Variants in SFTPD observed in about 807,000 individuals in gnomAD.
SFTPD encodes surfactant protein D, also known as pulmonary surfactant-associated protein D.
In SFTPD, 18 loss-of-function variants were observed where a neutral mutation model predicts 34.6. The ratio of observed to expected loss-of-function variants is 0.52; its 90% CI spans 0.36 to 0.77. The LOEUF (loss-of-function observed/expected upper bound fraction) is 0.77, where lower values mean the gene tolerates loss of function less well. SFTPD is among the 30% of genes least tolerant of loss of function. The pLI is 0.00. For missense variants in SFTPD, 433 were observed against 468.9 expected (o/e 0.92, Z 0.71); for synonymous variants, 155 against 180.9 (o/e 0.86, Z 1.15).
At chr10:79,981,887 C>G (rs915363084) in intron 1 of SFTPD, 1 of 263,060 alleles carries the variant, frequency 3.8e-6, no homozygotes, top group Admixed American at 5.4e-5. Flanking sequence ...ACACCTGAGC[C>G]GCCTCTTCCT....
intron 1 of SFTPD, among the ~76,000 whole-genome samples, chr10:79,964,576 T>C (rs1284394923): frequency 6.6e-6 from 1 of 152,210 alleles, no homozygotes; most frequent in African/African-American, 2.4e-5. Context: ...CATTCTATTC[T>C]GTTGTCATTT....
At chr10:79,938,325 C>T in intron 7 of SFTPD, 97 bp from the exon 8 acceptor site, 1 of 1,133,034 alleles carries the variant, frequency 8.8e-7, no homozygotes, top group Non-Finnish European at 1.3e-6. Context: ...CCTTTCAGAC[C>T]TCCCAAACAG....
chr10:79,975,224 A>G (rs138800779), intron 1 of SFTPD, among the ~76,000 whole-genome samples: 2,890 of 152,266 alleles, frequency 0.019, 102 homozygotes, highest in African/African-American at 0.066. Context: ...AAGATCTGGA[A>G]GGTCATTTTC....
intron 5 of SFTPD, 147 bp downstream of exon 5, chr10:79,941,807 T>C: frequency 2.9e-6 from 2 of 694,454 alleles, no homozygotes; most frequent in African/African-American, 1.8e-5. Context: ...AGCCCCCTCA[T>C]GCACCCTTCT....
chr10:79,976,209 C>T (rs1842863444), intron 1 of SFTPD, among the ~76,000 whole-genome samples: 1 of 152,120 alleles, frequency 6.6e-6, no homozygotes, highest in South Asian at 2.1e-4. Flanking sequence ...GAAAGAGTGA[C>T]TCCAGTAGCA....
At position 79,942,878 on chromosome 10, in the gene SFTPD, A is replaced by G; in HGVS notation, c.201T>C (p.Gly67=). The change falls in exon 3 of 8, where the codon GGT becomes GGC. Residue 67 remains glycine (G), a splice_region_variant and synonymous_variant. Transcript: ENST00000372292. ...EGPRGEKGDP[G]LPGAAGQAGM... Reference sequence around the variant, plus strand: ...CTGCTTGCCCTGCAGCTCCTGGCAAACCTGTAGCAGCAGAAGAAATGGACA... The same window carrying G: ...CTGCTTGCCCTGCAGCTCCTGGCAAGCCTGTAGCAGCAGAAGAAATGGACA... The G allele has an allele frequency of 6.2e-7, 1 of 1,607,448 alleles. No individual in the cohort carries two copies. Among genetic ancestry groups the G allele is most frequent in the Non-Finnish European group, 8.5e-7 (1 of 1,173,948 alleles).
chr10:79,955,244 AT>A lies in SFTPD; in HGVS notation c.37-8583del, dbSNP rs202092333. Reference sequence around the variant, plus strand: ...TGGATCCCAAATGTTTTATAAAGGCATTTTGTCCATGAATAGTTGTTAAATT... The same window carrying A: ...TGGATCCCAAATGTTTTATAAAGGCATTTGTCCATGAATAGTTGTTAAATT... On this transcript the variant is annotated intron_variant, in intron 1 of 5. Transcript: ENST00000444384. Among the ~76,000 whole-genome samples the A allele has an allele frequency of 7.9e-3, 1,195 of 152,128 alleles. 5 individuals are homozygous for A. Among genetic ancestry groups the A allele is most frequent in the Non-Finnish European group, 0.012 (789 of 67,998 alleles).
rs576221552 is a variant in SFTPD at position 79,941,540 on chromosome 10, G to A, written c.551-26C>T. The A allele has an allele frequency of 2.8e-5, 43 of 1,517,630 alleles. No homozygotes were observed. In the African/African-American group the frequency reaches 4.1e-4, roughly 14 times the overall value. The allele number at this position is 1,517,630 out of a possible 1,614,324, so 94.0% of individuals were successfully genotyped here. On this transcript the variant is annotated intron_variant, in intron 5 of 7. Coordinates refer to ENST00000372292, the MANE Select transcript of SFTPD (RefSeq NM_003019.5). ...CTGGGGTAAAAGAAGAACTGGGTGA[G>A]CTATGTACTCATTTTATTTTTTTTG...
intron 1 of SFTPD, among the ~76,000 whole-genome samples, chr10:79,976,750 C>A (rs1018659528): frequency 6.6e-6 from 1 of 152,164 alleles, no homozygotes; most frequent in African/African-American, 2.4e-5. Flanking sequence ...TGCCTGGCAA[C>A]CATCCTCTCA....
chr10:79,970,569 G>A (rs1363615624), intron 1 of SFTPD: 1 of 151,898 alleles, frequency 6.6e-6, no homozygotes, highest in Non-Finnish European at 1.5e-5. Flanking sequence ...AGTTTGCCTT[G>A]TAGAGATCTT....
Position 79,942,744 on chromosome 10 carries a change from T to A in SFTPD, c.316+19A>T. ...CACCACCACCTGGAAACACCTGAAG[T>A]CGACACCCAGTTGCTCACCACTTGG... On this transcript the variant is annotated intron_variant, in intron 3 of 7. Transcript: ENST00000372292. 6.7e-7 allele frequency: 1 copy of A among 1,481,508 alleles called. No homozygotes were observed. The highest frequency in any genetic ancestry group is 1.4e-5 in the African/African-American group (1 of 72,402). The allele number at this position is 1,481,508 out of a possible 1,614,324, so 91.8% of individuals were successfully genotyped here.
chr10:79,957,889 A>G (rs10887248), intron 1 of SFTPD, among the ~76,000 whole-genome samples: 22,251 of 152,110 alleles, frequency 0.15, 2,061 homozygotes, highest in East Asian at 0.41. Context: ...AATGTTAAGG[A>G]CAGCCAGAGA....
rs1001386421 is a variant in SFTPD, at chr10:79,942,588, G to A, written c.317-84C>T. On this transcript the variant is annotated intron_variant, in intron 3 of 7. Transcript: ENST00000372292. ...TAGTAAGGTGAGGGTAATAACAGAG[G>A]TAAGGGAGGCAGCATTGTTGTCCTC... 14 of 1,010,110 alleles carry A rather than the reference G, an allele frequency of 1.4e-5. No homozygotes were observed. In the African/African-American group the frequency reaches 1.9e-4, roughly 14 times the overall value. The allele number at this position is 1,010,110 out of a possible 1,614,324, so 62.6% of individuals were successfully genotyped here. A position where few individuals can be genotyped will look rare whatever the true frequency, so the allele number is the denominator to read the frequency against.
intron 1 of SFTPD, among the ~76,000 whole-genome samples, chr10:79,966,597 AT>A (rs1443235321): frequency 1.4e-5 from 2 of 146,338 alleles, no homozygotes; most frequent in African/African-American, 5.2e-5. Context: ...ATTAGATCCC[AT>A]TTGTCAATTT....
chr10:79,963,856 T>G (rs778891058), intron 1 of SFTPD, among the ~76,000 whole-genome samples: 2 of 152,322 alleles, frequency 1.3e-5, no homozygotes, highest in East Asian at 3.9e-4. Flanking sequence ...TCATTCTTTT[T>G]TATTGCTGTG....
chr10:79,941,612 G>T, intron 5 of SFTPD, 98 bp from the exon 6 acceptor site: 1 of 908,620 alleles, frequency 1.1e-6, no homozygotes, highest in East Asian at 2.4e-5. Context: ...TATCCTTATT[G>T]CCCAGAAATA....
chr10:79,957,270 C>T (rs901367756), intron 1 of SFTPD, among the ~76,000 whole-genome samples: 7 of 152,162 alleles, frequency 4.6e-5, no homozygotes, highest in Non-Finnish European at 8.8e-5. Context: ...GAATGCAGCT[C>T]CTCACCAACA....
chr10:79,958,250 C>T (rs1842751643), intron 1 of SFTPD, among the ~76,000 whole-genome samples: 1 of 152,250 alleles, frequency 6.6e-6, no homozygotes, highest in East Asian at 1.9e-4. Flanking sequence ...AACTAACGAG[C>T]AAAATAACCA....
At chr10:79,967,768 C>T (rs1408256731) in intron 1 of SFTPD, among the ~76,000 whole-genome samples, 2 of 151,876 alleles carry the variant, frequency 1.3e-5, no homozygotes, top group East Asian at 3.9e-4. Flanking sequence ...TGAAGAATCA[C>T]AAAAGAAGTG....
Sources: gnomAD v4.1 joint callset for allele counts (sites outside exome capture counted in the v4.1 genomes callset) on GRCh38, gnomAD v4.1.1 for gene constraint, MANE v1.5 for transcripts, NCBI Gene and HGNC (gene_info 2026-07-23, HGNC 2026-07-21) for gene names.